The following HFM1 variants were observed in gnomAD, a reference collection of about 807,000 sequenced individuals.
HFM1 encodes the protein probable ATP-dependent DNA helicase HFM1.
A neutral mutation model predicts 192.1 loss-of-function variants in HFM1; 169 were observed. The observed-to-expected ratio is 0.88, with a 90% CI of 0.78 to 1.00. The LOEUF is 1.00. Ranked by LOEUF, HFM1 falls within the 50% of genes least tolerant of loss-of-function variation. The probability of loss-of-function intolerance (pLI) is 0.00; values close to 1 mark genes in which losing one functional copy is unlikely to be tolerated. For missense variants in HFM1, 1,661 were observed against 1,668.0 expected (o/e 1.00, Z 0.07); for synonymous variants, 525 against 537.8 (o/e 0.98, Z 0.33).
intron 30 of HFM1, among the ~76,000 whole-genome samples, chr1:91,282,961 C>T (rs752705726): frequency 6.6e-6 from 1 of 152,086 alleles, no homozygotes; most frequent in Non-Finnish European, 1.5e-5. Context: ...AGAGAGATTC[C>T]GAGGGCTCCC....
intron 34 of HFM1, among the ~76,000 whole-genome samples, chr1:91,270,207 A>G (rs1208114509): frequency 6.6e-6 from 1 of 152,176 alleles, no homozygotes; most frequent in African/African-American, 2.4e-5. Flanking sequence ...ATAGAGTGGA[A>G]ATAACAAATA....
At chr1:91,387,386 C>G (rs1018759642) in intron 4 of HFM1, among the ~76,000 whole-genome samples, 1 of 151,738 alleles carries the variant, frequency 6.6e-6, no homozygotes, top group African/African-American at 2.4e-5. Flanking sequence ...TCTGACACCT[C>G]CTGCTTAAAA....
Position 91,319,163 on chromosome 1 carries a change from T to C in HFM1, c.2727A>G (p.Leu909=), listed in dbSNP as rs1167968879. The part of the protein sequence containing the change: ...VAAQEKKFAV[L]LNSLILAKCF... ...ATTTAGCTAAAATCAAACTATTCAATAGTACAGCAAACTTCTTTTCTTGAG... is the reference window on the plus strand; with the variant it reads ...ATTTAGCTAAAATCAAACTATTCAACAGTACAGCAAACTTCTTTTCTTGAG... Residue 909 remains leucine, a synonymous_variant, in exon 25 of 39, where the codon CTA becomes CTG. Coordinates refer to ENST00000370425, the MANE Select transcript of HFM1 (RefSeq NM_001017975.6). The C allele has an allele frequency of 2.5e-6, 4 of 1,611,152 alleles. No individual in the cohort carries two copies. The highest frequency in any genetic ancestry group is 4.5e-5 in the East Asian group (2 of 44,816).
intron 30 of HFM1, among the ~76,000 whole-genome samples, chr1:91,279,660 T>A (rs1667283812): frequency 6.6e-6 from 1 of 152,174 alleles, no homozygotes; most frequent in Non-Finnish European, 1.5e-5. Context: ...CATGCCTTTT[T>A]ATAACTGTAG....
At chr1:91,299,115 C>T (rs1232172512) in intron 30 of HFM1, among the ~76,000 whole-genome samples, 2 of 151,580 alleles carry the variant, frequency 1.3e-5, no homozygotes, top group Admixed American at 6.6e-5. Context: ...AAATGGAAAA[C>T]AAAAAAAGGC....
At chr1:91,343,674 GCTAA>G (rs368105528) in intron 19 of HFM1, among the ~76,000 whole-genome samples, 164 bp from the exon 20 acceptor site, 30 of 152,178 alleles carry the variant, frequency 2.0e-4, no homozygotes, top group African/African-American at 5.8e-4. Context: ...AAATAAAAAA[GCTAA>G]CTAATATGCT....
At chr1:91,283,348 A>G (rs1667633029) in intron 30 of HFM1, among the ~76,000 whole-genome samples, 2 of 152,122 alleles carry the variant, frequency 1.3e-5, no homozygotes, top group South Asian at 4.1e-4. Context: ...GGCTCAAGTG[A>G]TCCTCCCAAC....
intron 6 of HFM1, among the ~76,000 whole-genome samples, chr1:91,382,802 A>G (rs2102027550): frequency 6.6e-6 from 1 of 152,306 alleles, no homozygotes; most frequent in South Asian, 2.1e-4. Flanking sequence ...AACTGCTAAC[A>G]TCATTTATCA....
In HFM1 at chr1:91,375,394, T is replaced by A. The variant is rs1244074553; in HGVS notation, c.1649A>T (p.Asp550Val). The change falls in exon 13 of 39, where the codon GAT (aspartate) becomes GTT (valine). Residue 550 changes from aspartate (D) to valine (V), a missense_variant. Coordinates refer to ENST00000370425, the MANE Select transcript of HFM1 (RefSeq NM_001017975.6). ...VQQAASVLVK[D>V]AKFIMTVEQK... The stretch of plus-strand genomic sequence containing the variant: ...TTCCACAGTCATAATAAATTTAGCA[T>A]CTTTCACAAGAACAGAAGCAGCCTG... 6.2e-7 allele frequency: 1 copy of A among 1,612,956 alleles called. No homozygotes were observed. Among genetic ancestry groups the A allele is most frequent in the Non-Finnish European group, 8.5e-7 (1 of 1,179,266 alleles).
chr1:91,273,733 G>C lies in HFM1; in HGVS notation c.3751C>G (p.Pro1251Ala), dbSNP rs148782948. The C allele has an allele frequency of 1.3e-6, 2 of 1,578,732 alleles. No homozygotes were observed. Among genetic ancestry groups the C allele is most frequent in the Admixed American group, 1.7e-5 (1 of 59,758 alleles). Residue 1251 changes from proline (P) to alanine (A), a missense_variant, in exon 34 of 39, where the codon CCA becomes GCA. Transcript: ENST00000370425. ...TTACCTTTGTCTTGATATTCAGATG[G>C]TTCTTGTCTAACTTTTCCATAGATT... Reference protein sequence around the residue: ...PEIYGKVRQEPSEYQDKEVLN... With the variant: ...PEIYGKVRQEASEYQDKEVLN...
At chr1:91,266,953 C>T (rs1457074481) in intron 35 of HFM1, among the ~76,000 whole-genome samples, 1 of 152,174 alleles carries the variant, frequency 6.6e-6, no homozygotes, top group East Asian at 1.9e-4. Context: ...ATTTCAACTT[C>T]TAACTGCTTC....
intron 30 of HFM1, among the ~76,000 whole-genome samples, chr1:91,292,766 G>C (rs954564013): frequency 1.6e-4 from 25 of 152,120 alleles, no homozygotes; most frequent in East Asian, 5.8e-4. Flanking sequence ...GCCAAAAGAA[G>C]AAAGCTGGAG....
intron 34 of HFM1, among the ~76,000 whole-genome samples, chr1:91,270,357 G>A (rs1570725559): frequency 7.2e-6 from 1 of 137,970 alleles, no homozygotes; most frequent in Non-Finnish European, 1.6e-5. Flanking sequence ...AAGGTGTAGA[G>A]TGAGGTAAGA....
chr1:91,266,735 G>A (rs1206114165), intron 35 of HFM1, among the ~76,000 whole-genome samples: 2 of 152,132 alleles, frequency 1.3e-5, no homozygotes, highest in Non-Finnish European at 2.9e-5. Context: ...CAAAGGATCA[G>A]TACACATTGC....
chr1:91,286,073 A>T (rs1001301836), intron 30 of HFM1, among the ~76,000 whole-genome samples: 1 of 152,206 alleles, frequency 6.6e-6, no homozygotes, highest in African/African-American at 2.4e-5. Flanking sequence ...TTTAAGTGAA[A>T]AGGTGAAAGT....
intron 2 of HFM1, among the ~76,000 whole-genome samples, chr1:91,397,133 G>A (rs781546182): frequency 9.2e-5 from 14 of 152,116 alleles, no homozygotes; most frequent in Non-Finnish European, 2.1e-4. Flanking sequence ...AGAAGGTTGG[G>A]GACCGTTGTT....
Position 91,380,924 on chromosome 1 carries a change from C to A in HFM1, c.861G>T (p.Lys287Asn), listed in dbSNP as rs1284905768. ...ATAAAATACTTACATCATCAAAGGC[C>A]TTGGACTGTATATAGTTGAAATATG... ...EFPYFNYIQS[K>N]AFDDLLYTDR... The change falls in exon 7 of 39, where the codon AAG (lysine) becomes AAT (asparagine). Residue 287 changes from lysine (K) to asparagine (N), a missense_variant. Coordinates refer to ENST00000370425, the MANE Select transcript of HFM1 (RefSeq NM_001017975.6). The A allele has an allele frequency of 7.0e-7, 1 of 1,432,078 alleles. No homozygotes were observed. The highest frequency in any genetic ancestry group is 1.2e-5 in the South Asian group (1 of 84,474). The allele number at this position is 1,432,078 out of a possible 1,614,324, so 88.7% of individuals were successfully genotyped here.
chr1:91,335,179 G>A (rs1349351223), intron 20 of HFM1, among the ~76,000 whole-genome samples: 2 of 152,186 alleles, frequency 1.3e-5, no homozygotes, highest in Non-Finnish European at 2.9e-5. Context: ...GAATAGAGAA[G>A]TAGCCAGGCT....
chr1:91,319,641 A>G (rs1651796974), intron 23 of HFM1, among the ~76,000 whole-genome samples: 1 of 152,028 alleles, frequency 6.6e-6, no homozygotes, highest in African/African-American at 2.4e-5. Flanking sequence ...ATCTCTCTCT[A>G]AAAGATCTCA....
Sources: allele counts gnomAD v4.1 joint callset (sites outside exome capture counted in the v4.1 genomes callset), GRCh38; gene constraint gnomAD v4.1.1; transcripts MANE v1.5; gene names NCBI Gene and HGNC (gene_info 2026-07-23, HGNC 2026-07-21).